Variants in ZEB2 observed in about 807,000 individuals in gnomAD.
ZEB2 encodes the protein zinc finger E-box binding homeobox 2, also known as zinc finger E-box-binding homeobox 2.
ZEB2 carries 6 observed loss-of-function variants against 99.9 expected under a neutral mutation model. That is an observed-to-expected ratio of 0.06 (90% CI 0.03 to 0.12). The LOEUF is 0.12. Among genes scored for constraint, ZEB2 ranks in the 10% least tolerant of loss-of-function variants. The pLI is 1.00. For missense variants in ZEB2, 969 were observed against 1,502.8 expected, an observed-to-expected ratio of 0.64 and a Z score of 5.87; for synonymous variants, 517 against 542.5, an observed-to-expected ratio of 0.95 and a Z score of 0.65.
At chr2:144,508,084 T>C (rs1025573714) in intron 2 of ZEB2, among the ~76,000 whole-genome samples, 5 of 152,228 alleles carry the variant, frequency 3.3e-5, no homozygotes, top group African/African-American at 7.2e-5. Context: ...GCATGCTTGG[T>C]CGTTCATACA....
chr2:144,411,117 CAT>C (rs72438326), intron 4 of ZEB2, among the ~76,000 whole-genome samples: 21,029 of 74,596 alleles, frequency 0.28, 2,567 homozygotes, highest in South Asian at 0.41. Flanking sequence ...TAGGGCATCT[CAT>C]ATATACACAC....
In ZEB2 at chr2:144,388,754, G is replaced by A. The variant is rs1703114655; in HGVS notation, c.*697C>T. 1 of 396,506 alleles carries A rather than the reference G, an allele frequency of 2.5e-6. No homozygotes were observed. 24.6% of individuals were successfully genotyped at this position (396,506 alleles called of 1,614,324 possible). On this transcript the variant is annotated 3_prime_UTR_variant, in exon 10 of 10. Coordinates refer to ENST00000627532, the MANE Select transcript of ZEB2 (RefSeq NM_014795.4). This position sits in a 1 kb window ranked among gnomAD's most constrained non-coding sequence, Gnocchi z 5.4. ...CACTTGCAGAAACACAGATTAAAAG[G>A]TTTGCATATAAGGCTTTTAAAACCA...
At chr2:144,474,585 AT>A (rs1288385017) in intron 2 of ZEB2, among the ~76,000 whole-genome samples, 1 of 152,214 alleles carries the variant, frequency 6.6e-6, no homozygotes, top group African/African-American at 2.4e-5. Flanking sequence ...TGTTGTAATC[AT>A]TGATTATAAC....
At chr2:144,432,933 A>T (rs1386913266) in intron 2 of ZEB2, among the ~76,000 whole-genome samples, 1 of 152,128 alleles carries the variant, frequency 6.6e-6, no homozygotes, top group Non-Finnish European at 1.5e-5. Flanking sequence ...TGAACTTATG[A>T]TATATATCTT....
At chr2:144,495,445 C>A (rs1704744772) in intron 2 of ZEB2, 1 of 152,196 alleles carries the variant, frequency 6.6e-6, no homozygotes, top group Non-Finnish European at 1.5e-5. Flanking sequence ...AACTAGGAGG[C>A]CTTTCCCGTG....
At chr2:144,409,605 A>G (rs1261654646) in intron 4 of ZEB2, among the ~76,000 whole-genome samples, 1 of 152,168 alleles carries the variant, frequency 6.6e-6, no homozygotes, top group Non-Finnish European at 1.5e-5. Context: ...GAGATTTTGC[A>G]TTTAGTCCTA....
chr2:144,494,180 A>G (rs930513904), intron 2 of ZEB2: 2 of 146,370 alleles, frequency 1.4e-5, no homozygotes, highest in East Asian at 4.0e-4. Flanking sequence ...AAAAAAATAG[A>G]TTGTCAAAAA....
chr2:144,437,905 TA>T (rs1193596062), intron 2 of ZEB2, among the ~76,000 whole-genome samples: 1 of 152,190 alleles, frequency 6.6e-6, no homozygotes, highest in Non-Finnish European at 1.5e-5. Context: ...AGAAAAACTA[TA>T]AAAATTTTCT....
intron 2 of ZEB2, among the ~76,000 whole-genome samples, chr2:144,480,662 T>A (rs996732228): frequency 6.6e-6 from 1 of 151,640 alleles, no homozygotes; most frequent in Admixed American, 6.6e-5. Context: ...GAATGCTGTC[T>A]GCCATCCTGT....
chr2:144,418,150 G>A (rs1417265552), intron 4 of ZEB2, among the ~76,000 whole-genome samples: 1 of 152,124 alleles, frequency 6.6e-6, no homozygotes, highest in East Asian at 1.9e-4. Context: ...AACGAAACTA[G>A]TTCTTAACCT....
At chr2:144,464,719 T>C (rs765117725) in intron 2 of ZEB2, among the ~76,000 whole-genome samples, 2 of 152,184 alleles carry the variant, frequency 1.3e-5, no homozygotes, top group African/African-American at 2.4e-5. Flanking sequence ...CAAGTAGGAA[T>C]CACCAGTGAC....
At chr2:144,486,118 G>A (rs1704591790) in intron 2 of ZEB2, among the ~76,000 whole-genome samples, 1 of 152,160 alleles carries the variant, frequency 6.6e-6, no homozygotes, top group African/African-American at 2.4e-5. Flanking sequence ...GAATCCAGAA[G>A]TCTGATTGTG....
At chr2:144,504,647 A>G (rs779585796) in intron 2 of ZEB2, 1 of 152,234 alleles carries the variant, frequency 6.6e-6, no homozygotes, top group Admixed American at 6.5e-5. Flanking sequence ...CGAGAAAAAA[A>G]ACAACAAGGT....
At chr2:144,402,283 T>C (rs2149878472) in intron 6 of ZEB2, among the ~76,000 whole-genome samples, 1 of 152,218 alleles carries the variant, frequency 6.6e-6, no homozygotes, top group South Asian at 2.1e-4. Context: ...CACAAAAGCC[T>C]TTTGCAAAAA....
rs1225210157 is a variant in ZEB2, at chr2:144,517,261, T to C, written c.73+17A>G. The C allele has an allele frequency of 3.1e-6, 5 of 1,613,196 alleles. No homozygotes were observed. Among genetic ancestry groups the C allele is most frequent in the Non-Finnish European group, 4.2e-6 (5 of 1,179,664 alleles). ...CGCGTAGTGGCCCGGAAAAGTTTGGTTCGGGCTGCTTCTTACCGTTTTTCC... is the reference window on the plus strand; with the variant it reads ...CGCGTAGTGGCCCGGAAAAGTTTGGCTCGGGCTGCTTCTTACCGTTTTTCC... On this transcript the variant is annotated intron_variant, in intron 2 of 9. Transcript: ENST00000627532.
At chr2:144,458,574 G>A (rs1704152006) in intron 2 of ZEB2, among the ~76,000 whole-genome samples, 1 of 151,926 alleles carries the variant, frequency 6.6e-6, no homozygotes, top group Non-Finnish European at 1.5e-5. Context: ...CATTCCAACT[G>A]ACAGAAGACA....
At chr2:144,434,828 T>C (rs1703816176) in intron 2 of ZEB2, among the ~76,000 whole-genome samples, 1 of 152,146 alleles carries the variant, frequency 6.6e-6, no homozygotes, top group Admixed American at 6.6e-5. Flanking sequence ...GTTCACAGAA[T>C]TATGAGCTTG....
intron 4 of ZEB2, among the ~76,000 whole-genome samples, chr2:144,422,565 C>T (rs531245546): frequency 5.9e-5 from 9 of 152,276 alleles, no homozygotes; most frequent in African/African-American, 1.4e-4. Context: ...TTCGGGAGGC[C>T]GAGGTGGGAG....
chr2:144,417,931 T>G (rs1703562334), intron 4 of ZEB2, among the ~76,000 whole-genome samples: 1 of 152,222 alleles, frequency 6.6e-6, no homozygotes. Context: ...AACATCATGT[T>G]GCACCTCACG....
Sources: allele counts gnomAD v4.1 joint callset (sites outside exome capture counted in the v4.1 genomes callset), GRCh38; gene constraint gnomAD v4.1.1; non-coding constraint Gnocchi (gnomAD v3.1); transcripts MANE v1.5; gene names NCBI Gene and HGNC (gene_info 2026-07-23, HGNC 2026-07-21).